The following POU2F3 variants were observed in gnomAD, a reference collection of about 807,000 sequenced individuals.
POU2F3 encodes the protein POU domain, class 2, transcription factor 3.
Under a neutral mutation model 59.2 loss-of-function variants are expected in POU2F3, and 23 were observed. The ratio of observed to expected loss-of-function variants is 0.39; its 90% CI spans 0.28 to 0.55. The LOEUF (loss-of-function observed/expected upper bound fraction) is 0.55, where lower values mean the gene tolerates loss of function less well. POU2F3 is among the 20% of genes least tolerant of loss of function. The probability of loss-of-function intolerance (pLI) is 0.66; values close to 1 mark genes in which losing one functional copy is unlikely to be tolerated. For synonymous variants in POU2F3, 190 were observed against 214.6 expected (o/e 0.89, Z 1.00); for missense variants, 473 against 544.5 (o/e 0.87, Z 1.31).
intron 2 of POU2F3, 121 bp from the exon 3 acceptor site, chr11:120,269,089 C>T (rs912009683): frequency 2.6e-5 from 18 of 690,130 alleles, no homozygotes; most frequent in Middle Eastern, 2.5e-4. Context: ...CAACCACAAG[C>T]GAAGCAGGTG....
chr11:120,298,569 G>A (rs1439043970), intron 4 of POU2F3, among the ~76,000 whole-genome samples, 179 bp downstream of exon 4: 3 of 152,132 alleles, frequency 2.0e-5, no homozygotes, highest in Non-Finnish European at 4.4e-5. Flanking sequence ...TAGCTAGGGA[G>A]GTGAAGAGGG....
chr11:120,311,824 G>A (rs1941656528), intron 10 of POU2F3, among the ~76,000 whole-genome samples: 1 of 152,184 alleles, frequency 6.6e-6, no homozygotes, highest in South Asian at 2.1e-4. Context: ...GAAGCAAAGA[G>A]CAAAGGCCAT....
At chr11:120,294,788 T>C (rs942167665) in intron 3 of POU2F3, among the ~76,000 whole-genome samples, 1 of 152,174 alleles carries the variant, frequency 6.6e-6, no homozygotes, top group Non-Finnish European at 1.5e-5. Flanking sequence ...AAAGCTGAGA[T>C]TTGAGAACTT....
intron 1 of POU2F3, among the ~76,000 whole-genome samples, chr11:120,241,390 G>A (rs182366323): frequency 3.4e-4 from 52 of 152,310 alleles, no homozygotes; most frequent in Middle Eastern, 3.4e-3. Context: ...GGCCTACCCA[G>A]CCTGAAAACA....
chr11:120,272,932 T>C (rs530882338), intron 3 of POU2F3, among the ~76,000 whole-genome samples: 1 of 152,296 alleles, frequency 6.6e-6, no homozygotes, highest in Admixed American at 6.5e-5. Flanking sequence ...ACAAATAAAC[T>C]GGAAAAGCTT....
chr11:120,309,294 C>G, intron 9 of POU2F3, 131 bp from the exon 10 acceptor site: 1 of 913,198 alleles, frequency 1.1e-6, no homozygotes, highest in South Asian at 2.2e-5. Flanking sequence ...GTGAAAAAGC[C>G]AGTATTTCAT....
intron 3 of POU2F3, among the ~76,000 whole-genome samples, chr11:120,283,925 T>C (rs548603734): frequency 3.6e-5 from 5 of 140,632 alleles, no homozygotes; most frequent in Middle Eastern, 3.5e-3. Flanking sequence ...TCAGTAAGTG[T>C]GTTCTAAATA....
chr11:120,238,621 G>A (rs192492037), upstream of POU2F3, among the ~76,000 whole-genome samples: 177 of 152,088 alleles, frequency 1.2e-3, no homozygotes, highest in Admixed American at 3.0e-3. Flanking sequence ...TGGATCACGA[G>A]GTCAGGAGAT....
chr11:120,251,937 G>A (rs1009392825), intron 2 of POU2F3, among the ~76,000 whole-genome samples: 4 of 151,412 alleles, frequency 2.6e-5, no homozygotes, highest in Non-Finnish European at 5.9e-5. Flanking sequence ...TGGGATTATA[G>A]GTGTGTGCCA....
chr11:120,279,186 C>T (rs1276894565), intron 3 of POU2F3, among the ~76,000 whole-genome samples: 1 of 151,644 alleles, frequency 6.6e-6, no homozygotes, highest in Non-Finnish European at 1.5e-5. Context: ...CTGTGGTTCT[C>T]CCCCCACCAC....
At chr11:120,255,161 G>C (rs1331672914) in intron 2 of POU2F3, among the ~76,000 whole-genome samples, 1 of 152,096 alleles carries the variant, frequency 6.6e-6, no homozygotes, top group Non-Finnish European at 1.5e-5. Flanking sequence ...GCCCACCCTT[G>C]GCTTAGCCCA....
chr11:120,311,978 C>G (rs1307883820), intron 10 of POU2F3, among the ~76,000 whole-genome samples: 1 of 152,050 alleles, frequency 6.6e-6, no homozygotes. Flanking sequence ...CCATGGGAAC[C>G]AAGAGGAAAG....
intron 10 of POU2F3, among the ~76,000 whole-genome samples, chr11:120,310,887 G>A (rs771322211): frequency 2.6e-5 from 4 of 152,314 alleles, no homozygotes; most frequent in African/African-American, 7.2e-5. Context: ...GTAAATAAAC[G>A]AATGGAAAAC....
intron 5 of POU2F3, chr11:120,300,792 A>T (rs1245703104): frequency 3.5e-6 from 1 of 288,496 alleles, no homozygotes; most frequent in East Asian, 9.3e-5. Flanking sequence ...GAGGAAGTAT[A>T]AACTCTCTCC....
At chr11:120,280,286 T>C (rs1385021375) in intron 3 of POU2F3, among the ~76,000 whole-genome samples, 2 of 152,198 alleles carry the variant, frequency 1.3e-5, no homozygotes, top group Non-Finnish European at 2.9e-5. Flanking sequence ...TTTAAACCTA[T>C]AGCCACCCAG....
intron 3 of POU2F3, among the ~76,000 whole-genome samples, chr11:120,274,108 A>AAGGAAGAAAGGAAGGAAGGAAGGAAGG (rs1940212417): frequency 8.6e-6 from 1 of 116,156 alleles, no homozygotes; most frequent in African/African-American, 3.5e-5. Flanking sequence ...AGGAAGGAAG[A>AAGGAAGAAAGGAAGGAAGGAAGGAAGG]AAGGAAGGAA....
At chr11:120,302,526 C>A (rs1036253740) in intron 6 of POU2F3, 158 bp downstream of exon 6, 4 of 629,342 alleles carry the variant, frequency 6.4e-6, no homozygotes, top group Non-Finnish European at 1.1e-5. Flanking sequence ...ATCCAAGCTA[C>A]AGCAAGTGGG....
intron 2 of POU2F3, chr11:120,256,924 T>C (rs1258845947): frequency 6.6e-6 from 1 of 152,256 alleles, no homozygotes; most frequent in Non-Finnish European, 1.5e-5. Context: ...TTTCAGTCTC[T>C]ACTCAGTGAT....
intron 2 of POU2F3, among the ~76,000 whole-genome samples, chr11:120,254,517 C>T (rs1410235541): frequency 6.6e-6 from 1 of 152,196 alleles, no homozygotes; most frequent in Non-Finnish European, 1.5e-5. Context: ...CCCGGAAGGG[C>T]TTGCCCAGGA....
Sources: allele counts gnomAD v4.1 joint callset (sites outside exome capture counted in the v4.1 genomes callset), GRCh38; gene constraint gnomAD v4.1.1; transcripts MANE v1.5; gene names NCBI Gene and HGNC (gene_info 2026-07-23, HGNC 2026-07-21).